The following KRTAP9-8 variants were observed in gnomAD, a reference collection of about 807,000 sequenced individuals.
The protein encoded by KRTAP9-8 is keratin associated protein 9-8, also known as keratin-associated protein 9-8.
In KRTAP9-8, 10 loss-of-function variants were observed where a neutral mutation model predicts 12.8. The ratio of observed to expected loss-of-function variants is 0.78; its 90% CI spans 0.48 to 1.33. The LOEUF (loss-of-function observed/expected upper bound fraction) is 1.33, where lower values mean the gene tolerates loss of function less well. KRTAP9-8 is among the 40% of genes most tolerant of loss of function. KRTAP9-8 has a pLI of 0.00. For missense variants in KRTAP9-8, 197 were observed against 197.0 expected (o/e 1.00, Z 0.00); for synonymous variants, 94 against 70.8 (o/e 1.33, Z -1.64).
rs762016029 is a variant in KRTAP9-8, at chr17:41,238,322, G to T, written c.271G>T (p.Gly91Cys). ...CGQTSCGSSC[G>C]QSSSCAPVYC... is the part of the protein sequence containing the mutation. The stretch of plus-strand genomic sequence containing the variant: ...CCAAACCAGCTGTGGGTCCAGCTGT[G>T]GTCAGAGCAGCTCCTGTGCACCTGT... Residue 91 changes from glycine to cysteine, a missense_variant, in exon 1 of 1, where the codon GGT becomes TGT. Coordinates refer to ENST00000254072, the MANE Select transcript of KRTAP9-8 (RefSeq NM_031963.3). 4.4e-6 allele frequency: 7 copies of T among 1,607,188 alleles called. 1 individual carries two copies. In the African/African-American group the frequency reaches 8.7e-5, roughly 20 times the overall value.
chr17:41,238,020 T>C lies in KRTAP9-8; in HGVS notation c.-32T>C. 2 of 1,602,092 alleles carry C rather than the reference T, an allele frequency of 1.2e-6. No individual in the cohort carries two copies. Among genetic ancestry groups the C allele is most frequent in the Non-Finnish European group, 1.7e-6 (2 of 1,177,054 alleles). ...CATCAGATTCTGGGAAACTCACCTCTGAACAGAACTCCACCCTCTACCCCT... is the reference window on the plus strand; with the variant it reads ...CATCAGATTCTGGGAAACTCACCTCCGAACAGAACTCCACCCTCTACCCCT... On this transcript the variant is annotated 5_prime_UTR_variant, in exon 1 of 1. Transcript: ENST00000254072.
Position 41,238,431 on chromosome 17 carries a change from A to T in KRTAP9-8, c.380A>T (p.Gln127Leu). The T allele has an allele frequency of 6.2e-7, 1 of 1,600,492 alleles. No homozygotes were observed. Among genetic ancestry groups the T allele is most frequent in the East Asian group, 2.2e-5 (1 of 44,658 alleles). Residue 127 changes from glutamine to leucine, a missense_variant, in exon 1 of 1, where the codon CAG becomes CTG. Physicochemically the swap from Gln to Leu is moderately radical, Grantham distance 113 (BLOSUM62 -2). Transcript: ENST00000254072. ...CAGAGCTGTGGCTCCAACTGCTGCC[A>T]GCCCTGCTGCCGCCCAGCCTGCTGT... ...LNQSCGSNCC[Q>L]PCCRPACCET... is the part of the protein sequence containing the mutation.
Position 41,238,027 on chromosome 17 carries a change from A to C in KRTAP9-8, c.-25A>C, listed in dbSNP as rs2015981730. 6 of 1,604,354 alleles carry C rather than the reference A, an allele frequency of 3.7e-6. No individual in the cohort carries two copies. In the African/African-American group the frequency reaches 7.2e-5, roughly 19 times the overall value. On this transcript the variant is annotated 5_prime_UTR_variant, in exon 1 of 1. Transcript: ENST00000254072. ...TTCTGGGAAACTCACCTCTGAACAGAACTCCACCCTCTACCCCTGACACCA... is the reference window on the plus strand; with the variant it reads ...TTCTGGGAAACTCACCTCTGAACAGCACTCCACCCTCTACCCCTGACACCA...
Position 41,238,628 on chromosome 17 carries a change from A to G in KRTAP9-8, c.*97A>G. 6 of 1,007,462 alleles carry G rather than the reference A, an allele frequency of 6.0e-6. No homozygotes were observed. The South Asian group carries it at 6.5e-5, about 11-fold the overall frequency. 62.4% of individuals were successfully genotyped at this position (1,007,462 alleles called of 1,614,324 possible). A position where few individuals can be genotyped will look rare whatever the true frequency, so the allele number is the denominator to read the frequency against. Reference sequence around the variant, plus strand: ...ATTTAATTTGCTGCTGACAGCCACCATGCTCTCACCCAAATTTTTATGAAT... The same window carrying G: ...ATTTAATTTGCTGCTGACAGCCACCGTGCTCTCACCCAAATTTTTATGAAT... On this transcript the variant is annotated 3_prime_UTR_variant, in exon 1 of 1. Coordinates refer to ENST00000254072, the MANE Select transcript of KRTAP9-8 (RefSeq NM_031963.3).
Position 41,238,183 on chromosome 17 carries a change from G to A in KRTAP9-8, c.132G>A (p.Gln44=), listed in dbSNP as rs778278491. Residue 44 remains glutamine (Q), a synonymous_variant, in exon 1 of 1, where the codon CAG becomes CAA. Coordinates refer to ENST00000254072, the MANE Select transcript of KRTAP9-8 (RefSeq NM_031963.3). ...CCTGCTGTGTGTCCAGCTGCTGCCA[G>A]CCTTGCTGCCGCCCAACTTGCTGTC... ...QPSCCVSSCC[Q]PCCRPTCCQN... 3 of 1,607,964 alleles carry A rather than the reference G, an allele frequency of 1.9e-6. No individual in the cohort carries two copies. The highest frequency in any genetic ancestry group is 2.5e-6 in the Non-Finnish European group (3 of 1,179,866).
At position 41,238,041 on chromosome 17, in the gene KRTAP9-8, C is replaced by A; in HGVS notation, c.-11C>A. 1 of 1,605,978 alleles carries A rather than the reference C, an allele frequency of 6.2e-7. No homozygotes were observed. The highest frequency in any genetic ancestry group is 8.5e-7 in the Non-Finnish European group (1 of 1,179,568). On this transcript the variant is annotated 5_prime_UTR_variant, in exon 1 of 1. Transcript: ENST00000254072. ...CCTCTGAACAGAACTCCACCCTCTA[C>A]CCCTGACACCATGACCCACTGTTGT... is the stretch of plus-strand genomic sequence containing the variant.
chr17:41,238,338 G>A lies in KRTAP9-8; in HGVS notation c.287G>A (p.Cys96Tyr). 2 of 1,607,806 alleles carry A rather than the reference G, an allele frequency of 1.2e-6. No homozygotes were observed. Among genetic ancestry groups the A allele is most frequent in the Non-Finnish European group, 1.7e-6 (2 of 1,179,942 alleles). ...CGSSCGQSSS[C>Y]APVYCRRTCY... ...TCCAGCTGTGGTCAGAGCAGCTCCT[G>A]TGCACCTGTGTACTGCAGAAGAACC... Residue 96 changes from cysteine to tyrosine, a missense_variant, in exon 1 of 1, where the codon TGT becomes TAT. By Grantham distance (194) the Cys-to-Tyr change is radical. Transcript: ENST00000254072.
rs759062823 is a variant in KRTAP9-8, at chr17:41,238,413, G to C, written c.362G>C (p.Cys121Ser). ...CTGCCTGGTTGCCTAAACCAGAGCT[G>C]TGGCTCCAACTGCTGCCAGCCCTGC... ...VCLPGCLNQS[C>S]GSNCCQPCCR... The change falls in exon 1 of 1, where the codon TGT (cysteine) becomes TCT (serine). Residue 121 changes from cysteine to serine, a missense_variant. Physicochemically the swap from Cys to Ser is moderately radical, Grantham distance 112 (BLOSUM62 -1). Coordinates refer to ENST00000254072, the MANE Select transcript of KRTAP9-8 (RefSeq NM_031963.3). 6.2e-7 allele frequency: 1 copy of C among 1,604,636 alleles called. No homozygotes were observed. Among genetic ancestry groups the C allele is most frequent in the South Asian group, 1.1e-5 (1 of 90,958 alleles).
rs763029717 is a variant in KRTAP9-8, at chr17:41,238,098, C to T, written c.47C>T (p.Thr16Ile). 3.1e-6 allele frequency: 5 copies of T among 1,607,056 alleles called. No individual in the cohort carries two copies. The highest frequency in any genetic ancestry group is 2.9e-5 in the African/African-American group (2 of 69,556). The change falls in exon 1 of 1, where the codon ACC becomes ATC. Residue 16 changes from threonine to isoleucine, a missense_variant. By Grantham distance (89) the Thr-to-Ile change is moderately conservative. Transcript: ENST00000254072. ...SPCCQPTCCR[T>I]TCWKPTTVTT... ...TGCTGTCAGCCTACGTGCTGCAGGA[C>T]CACCTGCTGGAAGCCCACCACTGTG...
At position 41,238,046 on chromosome 17, in the gene KRTAP9-8, G is replaced by A; in HGVS notation, c.-6G>A. ...GAACAGAACTCCACCCTCTACCCCT[G>A]ACACCATGACCCACTGTTGTTCCCC... On this transcript the variant is annotated 5_prime_UTR_variant, in exon 1 of 1. Transcript: ENST00000254072. The A allele has an allele frequency of 6.2e-7, 1 of 1,606,074 alleles. No individual in the cohort carries two copies. Among genetic ancestry groups the A allele is most frequent in the Non-Finnish European group, 8.5e-7 (1 of 1,179,670 alleles).
rs763209032 is a variant in KRTAP9-8, at chr17:41,238,313, T to C, written c.262T>C (p.Ser88Pro). 3 of 1,607,244 alleles carry C rather than the reference T, an allele frequency of 1.9e-6. No individual in the cohort carries two copies. The highest frequency in any genetic ancestry group is 8.5e-7 in the Non-Finnish European group (1 of 1,179,872). Residue 88 changes from serine (S) to proline (P), a missense_variant, in exon 1 of 1, where the codon TCC (serine) becomes CCC (proline). Physicochemically the swap from Ser to Pro is moderately conservative, Grantham distance 74. Transcript: ENST00000254072. ...PTCCGQTSCG[S>P]SCGQSSSCAP... The stretch of plus-strand genomic sequence containing the variant: ...CTGCTGTGGCCAAACCAGCTGTGGG[T>C]CCAGCTGTGGTCAGAGCAGCTCCTG...
In KRTAP9-8 at chr17:41,238,271, C is replaced by A; in HGVS notation, c.220C>A (p.Pro74Thr). 6.2e-7 allele frequency: 1 copy of A among 1,607,172 alleles called. No individual in the cohort carries two copies. The highest frequency in any genetic ancestry group is 8.5e-7 in the Non-Finnish European group (1 of 1,179,792). The change falls in exon 1 of 1, where the codon CCC becomes ACC. Residue 74 changes from proline (P) to threonine (T), a missense_variant. Pro to Thr is a conservative substitution (Grantham distance 38, BLOSUM62 -1). Coordinates refer to ENST00000254072, the MANE Select transcript of KRTAP9-8 (RefSeq NM_031963.3). ...CTGCCAGCCTTCCTGCTGCAGCACA[C>A]CCTGCTGTCAGCCCACCTGCTGTGG... ...SCCQPSCCST[P>T]CCQPTCCGQT...
rs745984546 is a variant in KRTAP9-8 at position 41,238,293 on chromosome 17, G to C, written c.242G>C (p.Cys81Ser). Reference protein sequence around the residue: ...CSTPCCQPTCCGQTSCGSSCG... With the variant: ...CSTPCCQPTCSGQTSCGSSCG... ...ACACCCTGCTGTCAGCCCACCTGCTGTGGCCAAACCAGCTGTGGGTCCAGC... is the reference window on the plus strand; with the variant it reads ...ACACCCTGCTGTCAGCCCACCTGCTCTGGCCAAACCAGCTGTGGGTCCAGC... Residue 81 changes from cysteine (C) to serine (S), a missense_variant, in exon 1 of 1, where the codon TGT (cysteine) becomes TCT (serine). By Grantham distance (112) the Cys-to-Ser change is moderately radical. Coordinates refer to ENST00000254072, the MANE Select transcript of KRTAP9-8 (RefSeq NM_031963.3). 6.2e-7 allele frequency: 1 copy of C among 1,607,128 alleles called. No homozygotes were observed.
rs934557027 is a variant in KRTAP9-8 at position 41,238,219 on chromosome 17, C to G, written c.168C>G (p.Cys56Trp). The change falls in exon 1 of 1, where the codon TGC becomes TGG. Residue 56 changes from cysteine to tryptophan, a missense_variant. Transcript: ENST00000254072. ...GCCCAACTTGCTGTCAAAACACCTG[C>G]TGCCAGCCCATCTGTGTGACCAGCT... ...CCRPTCCQNT[C>W]CQPICVTSCC... The G allele has an allele frequency of 6.2e-7, 1 of 1,608,108 alleles. No individual in the cohort carries two copies.
Position 41,238,092 on chromosome 17 carries a change from G to T in KRTAP9-8, c.41G>T (p.Cys14Phe). 2 of 1,606,942 alleles carry T rather than the reference G, an allele frequency of 1.2e-6. No individual in the cohort carries two copies. Among genetic ancestry groups the T allele is most frequent in the Non-Finnish European group, 1.7e-6 (2 of 1,179,870 alleles). The change falls in exon 1 of 1, where the codon TGC becomes TTC. Residue 14 changes from cysteine (C) to phenylalanine (F), a missense_variant. Cys to Phe is a radical substitution (Grantham distance 205, BLOSUM62 -2). Coordinates refer to ENST00000254072, the MANE Select transcript of KRTAP9-8 (RefSeq NM_031963.3). Reference sequence around the variant, plus strand: ...TCCCCTTGCTGTCAGCCTACGTGCTGCAGGACCACCTGCTGGAAGCCCACC... The same window carrying T: ...TCCCCTTGCTGTCAGCCTACGTGCTTCAGGACCACCTGCTGGAAGCCCACC... The part of the protein sequence containing the change: ...CCSPCCQPTC[C>F]RTTCWKPTTV...
Position 41,238,233 on chromosome 17 carries a change from G to C in KRTAP9-8, c.182G>C (p.Cys61Ser), listed in dbSNP as rs759471567. 6.2e-7 allele frequency: 1 copy of C among 1,608,190 alleles called. No homozygotes were observed. Among genetic ancestry groups the C allele is most frequent in the Non-Finnish European group, 8.5e-7 (1 of 1,179,896 alleles). Residue 61 changes from cysteine (C) to serine (S), a missense_variant, in exon 1 of 1, where the codon TGT becomes TCT. Coordinates refer to ENST00000254072, the MANE Select transcript of KRTAP9-8 (RefSeq NM_031963.3). ...CAAAACACCTGCTGCCAGCCCATCT[G>C]TGTGACCAGCTGCTGCCAGCCTTCC... The part of the protein sequence containing the change: ...CCQNTCCQPI[C>S]VTSCCQPSCC...
In KRTAP9-8 at chr17:41,238,014, C is replaced by T. The variant is rs1264631123; in HGVS notation, c.-38C>T. 3 of 1,595,878 alleles carry T rather than the reference C, an allele frequency of 1.9e-6. 1 individual carries two copies. The highest frequency in any genetic ancestry group is 2.9e-5 in the African/African-American group (2 of 68,810). On this transcript the variant is annotated 5_prime_UTR_variant, in exon 1 of 1. Transcript: ENST00000254072. ...AGGGGTCATCAGATTCTGGGAAACT[C>T]ACCTCTGAACAGAACTCCACCCTCT... is the stretch of plus-strand genomic sequence containing the variant.
Position 41,238,273 on chromosome 17 carries a change from C to T in KRTAP9-8, c.222C>T (p.Pro74=). 6.2e-7 allele frequency: 1 copy of T among 1,607,314 alleles called. No individual in the cohort carries two copies. Among genetic ancestry groups the T allele is most frequent in the Admixed American group, 1.7e-5 (1 of 59,876 alleles). ...GCCAGCCTTCCTGCTGCAGCACACC[C>T]TGCTGTCAGCCCACCTGCTGTGGCC... The part of the protein sequence containing the change: ...SCCQPSCCST[P]CCQPTCCGQT... Residue 74 remains proline (P), a synonymous_variant, in exon 1 of 1, where the codon CCC becomes CCT. Coordinates refer to ENST00000254072, the MANE Select transcript of KRTAP9-8 (RefSeq NM_031963.3).
Position 41,238,753 on chromosome 17 carries a change from T to G in KRTAP9-8, c.*222T>G. On this transcript the variant is annotated 3_prime_UTR_variant, in exon 1 of 1. Coordinates refer to ENST00000254072, the MANE Select transcript of KRTAP9-8 (RefSeq NM_031963.3). ...ACACCTTGTGGATCATGTGCCAGCT[T>G]CATCTGTTCTCAAGTTTGAGTCATG... 2 of 407,132 alleles carry G rather than the reference T, an allele frequency of 4.9e-6. No homozygotes were observed. Among genetic ancestry groups the G allele is most frequent in the Admixed American group, 5.8e-5 (1 of 17,230 alleles). The allele number at this position is 407,132 out of a possible 1,614,324, so 25.2% of individuals were successfully genotyped here.
Sources: allele counts gnomAD v4.1 joint callset, GRCh38; gene constraint gnomAD v4.1.1; transcripts MANE v1.5; gene names NCBI Gene and HGNC (gene_info 2026-07-23, HGNC 2026-07-21).